The following SH3D19 variants were observed in gnomAD, a reference collection of about 807,000 sequenced individuals.
SH3D19 encodes SH3 domain containing 19, also known as SH3 domain-containing protein 19.
A neutral mutation model predicts 112.1 loss-of-function variants in SH3D19; 58 were observed. The ratio of observed to expected loss-of-function variants is 0.52; its 90% CI spans 0.42 to 0.64. The LOEUF (loss-of-function observed/expected upper bound fraction) is 0.64, where lower values mean the gene tolerates loss of function less well. Ranked by LOEUF, SH3D19 falls within the 30% of genes least tolerant of loss-of-function variation. The probability of loss-of-function intolerance (pLI) is 0.00; values close to 1 mark genes in which losing one functional copy is unlikely to be tolerated. For synonymous variants in SH3D19, 391 were observed against 448.5 expected, an observed-to-expected ratio of 0.87 and a Z score of 1.62; for missense variants, 1,090 against 1,263.4, an observed-to-expected ratio of 0.86 and a Z score of 2.08.
chr4:151,283,861 A>G (rs76631233), intron 1 of SH3D19, among the ~76,000 whole-genome samples: 1 of 152,174 alleles, frequency 6.6e-6, no homozygotes, highest in Non-Finnish European at 1.5e-5. Context: ...AATTTTTTCA[A>G]GTAAGAACAT....
intron 1 of SH3D19, among the ~76,000 whole-genome samples, chr4:151,323,276 G>A (rs1464847236): frequency 1.3e-5 from 2 of 152,184 alleles, no homozygotes; most frequent in Non-Finnish European, 2.9e-5. Flanking sequence ...ATTGTAAAAT[G>A]ATAAGGGAAG....
rs1273588999 is a variant in SH3D19, at chr4:151,175,287, A to G, written c.917T>C (p.Ile306Thr). 1 of 1,614,174 alleles carries G rather than the reference A, an allele frequency of 6.2e-7. No homozygotes were observed. The highest frequency in any genetic ancestry group is 8.5e-7 in the Non-Finnish European group (1 of 1,180,030). The change falls in exon 7 of 20, where the codon ATA (isoleucine) becomes ACA (threonine). Residue 306 changes from isoleucine to threonine, a missense_variant. Physicochemically the swap from Ile to Thr is moderately conservative, Grantham distance 89 (BLOSUM62 -1). Coordinates refer to ENST00000604030, the MANE Select transcript of SH3D19 (RefSeq NM_001378122.1). ...TTTCTTGGGCAGTCCTGAGGTTTCT[A>G]TGTTTGTCTGACCCTCAAACACTTT... ...RIKVFEGQTN[I>T]ETSGLPKKPE...
At chr4:151,209,869 TCTTTTGGGAC>T (rs1765683685) in intron 2 of SH3D19, among the ~76,000 whole-genome samples, 2 of 152,168 alleles carry the variant, frequency 1.3e-5, no homozygotes, top group African/African-American at 4.8e-5. Context: ...TGGAAAGTGC[TCTTTTGGGAC>T]CTGAAATAAA....
intron 1 of SH3D19, among the ~76,000 whole-genome samples, chr4:151,241,576 T>TAATA (rs1264906708): frequency 6.6e-6 from 1 of 151,070 alleles, no homozygotes; most frequent in African/African-American, 2.5e-5. Flanking sequence ...ATCTAATTTA[T>TAATA]TTATTTAAGA....
At chr4:151,135,460 C>T (rs1751627155) in intron 14 of SH3D19, among the ~76,000 whole-genome samples, 1 of 108,308 alleles carries the variant, frequency 9.2e-6, no homozygotes, top group Non-Finnish European at 1.7e-5. Context: ...CAGGATCTTA[C>T]TCTGTCACCC....
At chr4:151,123,437 T>C (rs185141823) in intron 19 of SH3D19, among the ~76,000 whole-genome samples, 24 of 152,330 alleles carry the variant, frequency 1.6e-4, no homozygotes, top group African/African-American at 5.3e-4. Context: ...CTCTACCATC[T>C]GGTTTATCAC....
At position 151,174,863 on chromosome 4, in the gene SH3D19, A is replaced by G. The variant is rs1044692373; in HGVS notation, c.1341T>C (p.Pro447=). The change falls in exon 7 of 20, where the codon CCT becomes CCC. Residue 447 remains proline (P), a synonymous_variant. Coordinates refer to ENST00000604030, the MANE Select transcript of SH3D19 (RefSeq NM_001378122.1). ...CTTGTGATGCCCCTGCGAGTCGGGG[A>G]GGAACAGTGACAGGTTTCAGTGGAG... ...PSAPLKPVTV[P]PRLAGASQAK... is the part of the protein sequence containing the mutation. 47 of 1,604,704 alleles carry G rather than the reference A, an allele frequency of 2.9e-5. No homozygotes were observed. The highest frequency in any genetic ancestry group is 3.9e-5 in the Non-Finnish European group (46 of 1,175,274).
intron 1 of SH3D19, among the ~76,000 whole-genome samples, chr4:151,231,032 A>G (rs1367163856): frequency 6.6e-6 from 1 of 152,086 alleles, no homozygotes; most frequent in Non-Finnish European, 1.5e-5. Context: ...ATATGGATGA[A>G]CCCTATATAA....
At chr4:151,298,139 A>G (rs1775825965) in intron 1 of SH3D19, among the ~76,000 whole-genome samples, 1 of 151,644 alleles carries the variant, frequency 6.6e-6, no homozygotes, top group Non-Finnish European at 1.5e-5. Context: ...GCTCAGTGAA[A>G]TTGATTTCAG....
chr4:151,152,995 C>T (rs918830985), intron 9 of SH3D19, among the ~76,000 whole-genome samples: 3 of 151,696 alleles, frequency 2.0e-5, no homozygotes, highest in Admixed American at 2.0e-4. Flanking sequence ...GCCACCACAC[C>T]CGGCTAATTT....
intron 8 of SH3D19, among the ~76,000 whole-genome samples, chr4:151,161,239 C>G (rs1302920600): frequency 6.6e-6 from 1 of 152,106 alleles, no homozygotes; most frequent in Non-Finnish European, 1.5e-5. Context: ...AAAGGACAAC[C>G]TGGTCAGAAG....
intron 19 of SH3D19, 126 bp from the exon 20 acceptor site, chr4:151,122,333 AAATG>A: frequency 1.6e-6 from 1 of 612,838 alleles, no homozygotes; most frequent in African/African-American, 1.9e-5. Flanking sequence ...GTTGAGAATT[AAATG>A]ACAACAATGA....
chr4:151,189,726 G>T (rs899173930), intron 2 of SH3D19, among the ~76,000 whole-genome samples: 8 of 152,154 alleles, frequency 5.3e-5, no homozygotes, highest in African/African-American at 1.9e-4. Context: ...AGTCCAAAAA[G>T]AAAGTTTACA....
chr4:151,209,151 G>C (rs543483879), intron 2 of SH3D19, among the ~76,000 whole-genome samples: 1 of 152,232 alleles, frequency 6.6e-6, no homozygotes, highest in East Asian at 1.9e-4. Flanking sequence ...AGGGAACCCA[G>C]CTCCCAAGTG....
intron 2 of SH3D19, among the ~76,000 whole-genome samples, chr4:151,197,713 G>C (rs1317244216): frequency 6.6e-6 from 1 of 151,338 alleles, no homozygotes; most frequent in Non-Finnish European, 1.5e-5. Context: ...TGAGAAACAT[G>C]ATTTTGTCTC....
chr4:151,299,138 T>C (rs1423039312), intron 1 of SH3D19, among the ~76,000 whole-genome samples: 2 of 152,216 alleles, frequency 1.3e-5, no homozygotes, highest in African/African-American at 2.4e-5. Context: ...TGGTTGCAAC[T>C]ACTGCAAAGC....
At chr4:151,129,830 C>A (rs1189910526) in intron 17 of SH3D19, among the ~76,000 whole-genome samples, 1 of 152,186 alleles carries the variant, frequency 6.6e-6, no homozygotes, top group African/African-American at 2.4e-5. Context: ...TAACATTTAG[C>A]CCAGTGCCTG....
intron 1 of SH3D19, among the ~76,000 whole-genome samples, chr4:151,310,580 CTT>C (rs780496185): frequency 1.2e-4 from 17 of 142,058 alleles, no homozygotes; most frequent in Non-Finnish European, 1.9e-4. Context: ...CTCTCTCTCT[CTT>C]TTTTTTTTTT....
intron 1 of SH3D19, among the ~76,000 whole-genome samples, chr4:151,324,453 A>C (rs528798610): frequency 6.6e-6 from 1 of 152,094 alleles, no homozygotes; most frequent in Non-Finnish European, 1.5e-5. Flanking sequence ...TTGTTTTCAG[A>C]TAACTCGGAT....
Sources: gnomAD v4.1 joint callset for allele counts (sites outside exome capture counted in the v4.1 genomes callset) on GRCh38, gnomAD v4.1.1 for gene constraint, MANE v1.5 for transcripts, NCBI Gene and HGNC (gene_info 2026-07-23, HGNC 2026-07-21) for gene names.